Variants in TTC23 observed in about 807,000 individuals in gnomAD.
TTC23 encodes tetratricopeptide repeat domain 23.
A neutral mutation model predicts 55.1 loss-of-function variants in TTC23; 58 were observed. That is an observed-to-expected ratio of 1.05 (90% CI 0.85 to 1.31). The LOEUF (loss-of-function observed/expected upper bound fraction) is 1.31, where lower values mean the gene tolerates loss of function less well. Among genes scored for constraint, TTC23 ranks in the 50% most tolerant of loss-of-function variants. The pLI, the probability that TTC23 is intolerant of heterozygous loss-of-function variation, is 0.00. For synonymous variants in TTC23, 203 were observed against 199.9 expected, an observed-to-expected ratio of 1.02 and a Z score of -0.13; for missense variants, 516 against 534.4, an observed-to-expected ratio of 0.97 and a Z score of 0.34.
intron 12 of TTC23, among the ~76,000 whole-genome samples, chr15:99,142,064 T>C (rs1555490661): frequency 6.6e-6 from 1 of 152,216 alleles, no homozygotes; most frequent in Non-Finnish European, 1.5e-5. Context: ...TGAGCCAGCA[T>C]TGCTTTAATG....
At chr15:99,250,258 C>T (rs2080612439), upstream of TTC23, among the ~76,000 whole-genome samples, 1 of 152,138 alleles carries the variant, frequency 6.6e-6, no homozygotes, top group Non-Finnish European at 1.5e-5. Context: ...ATATACCAAC[C>T]ATGCTGTATA....
intron 9 of TTC23, among the ~76,000 whole-genome samples, chr15:99,177,618 G>C (rs1001125416): frequency 3.3e-5 from 5 of 152,214 alleles, no homozygotes; most frequent in Admixed American, 3.3e-4. Flanking sequence ...GTTATTTGGA[G>C]AGAACAATCA....
At chr15:99,169,846 A>C (rs559797637) in intron 10 of TTC23, among the ~76,000 whole-genome samples, 1 of 152,224 alleles carries the variant, frequency 6.6e-6, no homozygotes, top group East Asian at 1.9e-4. Context: ...CCTGCTCCCT[A>C]AACTCTAACC....
intron 12 of TTC23, among the ~76,000 whole-genome samples, chr15:99,146,937 C>T (rs193099537): frequency 1.4e-3 from 213 of 152,284 alleles, no homozygotes; most frequent in Non-Finnish European, 1.8e-3. Context: ...TTTTTTGAGA[C>T]GGAGTCTCGC....
In TTC23 at chr15:99,205,797, A is replaced by G. The variant is rs111544854; in HGVS notation, c.582-5701T>C. Among the ~76,000 whole-genome samples the G allele has an allele frequency of 2.2e-3, 340 of 152,126 alleles. 5 individuals are homozygous for G. Among genetic ancestry groups the G allele is most frequent in the African/African-American group, 7.6e-3 (317 of 41,522 alleles). On this transcript the variant is annotated intron_variant, in intron 8 of 13. Coordinates refer to ENST00000394132, the MANE Select transcript of TTC23 (RefSeq NM_001288615.3). ...TTCCCTTCTAATTTAGATGTCATTT[A>G]TTTATTTTTTCTTGCCTAACTTCTT...
intron 8 of TTC23, among the ~76,000 whole-genome samples, chr15:99,217,982 C>T (rs1318128558): frequency 1.3e-5 from 2 of 152,230 alleles, no homozygotes; most frequent in Non-Finnish European, 2.9e-5. Flanking sequence ...TCCACCTTTT[C>T]CTCTGCACAA....
intron 4 of TTC23, among the ~76,000 whole-genome samples, chr15:99,233,777 G>A (rs2079104521): frequency 6.6e-6 from 1 of 151,994 alleles, no homozygotes; most frequent in East Asian, 1.9e-4. Context: ...CAGATTTATT[G>A]AGCTATATTT....
chr15:99,224,948 C>G (rs28712012), intron 5 of TTC23, among the ~76,000 whole-genome samples: 6,233 of 152,162 alleles, frequency 0.041, 248 homozygotes, highest in African/African-American at 0.1. Flanking sequence ...CCTCTAGACA[C>G]AGGAAGTTTA....
At chr15:99,161,645 A>C in intron 11 of TTC23, 95 bp downstream of exon 11, 3 of 1,420,092 alleles carry the variant, frequency 2.1e-6, no homozygotes, top group Non-Finnish European at 2.9e-6. Flanking sequence ...TGCTTTGCAC[A>C]CAGTAGATGC....
intron 5 of TTC23, among the ~76,000 whole-genome samples, chr15:99,225,559 T>C (rs2078329920): frequency 6.6e-6 from 1 of 152,100 alleles, no homozygotes; most frequent in African/African-American, 2.4e-5. Context: ...TCCATGAAAA[T>C]AACAGGTTGT....
chr15:99,141,886 A>G (rs1262871563), intron 12 of TTC23, among the ~76,000 whole-genome samples: 1 of 152,228 alleles, frequency 6.6e-6, no homozygotes, highest in African/African-American at 2.4e-5. Flanking sequence ...GAAATATACA[A>G]TATCAAGAAG....
chr15:99,229,974 G>T (rs2078800908), intron 4 of TTC23, among the ~76,000 whole-genome samples: 1 of 152,166 alleles, frequency 6.6e-6, no homozygotes, highest in Non-Finnish European at 1.5e-5. Context: ...GATGTTCATA[G>T]GAATACTAAA....
intron 8 of TTC23, among the ~76,000 whole-genome samples, chr15:99,202,682 T>C (rs1174005169): frequency 6.6e-6 from 1 of 152,152 alleles, no homozygotes; most frequent in East Asian, 1.9e-4. Context: ...AGGTCACCTT[T>C]TCAGGTCTCA....
chr15:99,208,943 T>A (rs1427939432), intron 8 of TTC23, among the ~76,000 whole-genome samples: 1 of 152,180 alleles, frequency 6.6e-6, no homozygotes, highest in Non-Finnish European at 1.5e-5. Context: ...ATCTAGTGTA[T>A]CCACAATGTA....
At chr15:99,218,787 A>G (rs2077672227) in intron 7 of TTC23, 74 bp from the exon 8 acceptor site, 8 of 1,604,660 alleles carry the variant, frequency 5.0e-6, no homozygotes, top group Non-Finnish European at 6.8e-6. Flanking sequence ...CTTGGCTCCC[A>G]TACTTCCAAT....
intron 9 of TTC23, among the ~76,000 whole-genome samples, chr15:99,182,242 TCTCTCTCACACA>T (rs1460622637): frequency 5.0e-4 from 52 of 104,518 alleles, no homozygotes; most frequent in African/African-American, 1.5e-3. Flanking sequence ...TCTCTCTCTC[TCTCTCTCACACA>T]CACACACACA....
At chr15:99,152,909 C>T (rs1328301952) in intron 12 of TTC23, among the ~76,000 whole-genome samples, 1 of 152,110 alleles carries the variant, frequency 6.6e-6, no homozygotes, top group Non-Finnish European at 1.5e-5. Flanking sequence ...GCGATCCTCC[C>T]ACCTCAGCCT....
intron 12 of TTC23, among the ~76,000 whole-genome samples, chr15:99,153,247 C>A (rs1555497859): frequency 6.6e-6 from 1 of 152,206 alleles, no homozygotes; most frequent in Non-Finnish European, 1.5e-5. Flanking sequence ...TAATATATTT[C>A]TTCCTGGCTA....
At chr15:99,163,961 T>A (rs947018685) in intron 10 of TTC23, among the ~76,000 whole-genome samples, 1 of 152,150 alleles carries the variant, frequency 6.6e-6, no homozygotes, top group African/African-American at 2.4e-5. Context: ...CAGCCAGGAA[T>A]CTCTAAAATG....
Sources: allele counts gnomAD v4.1 joint callset (sites outside exome capture counted in the v4.1 genomes callset), GRCh38; gene constraint gnomAD v4.1.1; transcripts MANE v1.5; gene names NCBI Gene and HGNC (gene_info 2026-07-23, HGNC 2026-07-21).